The following FOXK1 variants were observed in gnomAD, a reference collection of about 807,000 sequenced individuals.
The protein encoded by FOXK1 is forkhead box protein K1.
A neutral mutation model predicts 51.9 loss-of-function variants in FOXK1; 19 were observed. The observed-to-expected ratio is 0.37, with a 90% CI of 0.26 to 0.54. The LOEUF (loss-of-function observed/expected upper bound fraction) is 0.54, where lower values mean the gene tolerates loss of function less well. FOXK1 is among the 20% of genes least tolerant of loss of function. The pLI, the probability that FOXK1 is intolerant of heterozygous loss-of-function variation, is 0.87. For missense variants in FOXK1, 870 were observed against 1,032.7 expected, an observed-to-expected ratio of 0.84 and a Z score of 2.16; for synonymous variants, 537 against 482.6, an observed-to-expected ratio of 1.11 and a Z score of -1.48.
Position 4,746,611 on chromosome 7 carries a change from C to T in FOXK1, c.746+5588C>T, listed in dbSNP as rs1270149569. 2.0e-5 allele frequency among the ~76,000 whole-genome samples: 3 copies of T among 152,166 alleles called. 1 individual carries two copies. The highest frequency in any genetic ancestry group is 4.4e-5 in the Non-Finnish European group (3 of 68,012). On this transcript the variant is annotated intron_variant, in intron 2 of 8. Transcript: ENST00000328914. ...GCTGAGGCAGGAGGATCGCTTGAGC[C>T]CAGCAGTTGGAGGCTGTGGCGAGCT... is the stretch of plus-strand genomic sequence containing the variant.
Position 4,711,319 on chromosome 7 carries a change from G to A in FOXK1, c.560+28451G>A, listed in dbSNP as rs543460958. Among the ~76,000 whole-genome samples the A allele has an allele frequency of 9.2e-5, 14 of 152,288 alleles. No individual in the cohort carries two copies. The highest frequency in any genetic ancestry group is 3.4e-4 in the African/African-American group (14 of 41,570). The stretch of plus-strand genomic sequence containing the variant: ...ATGGGATGTATCAGTCAGGGAGGCT[G>A]GGCGCAGTAATAAACACGCCCAGAG... On this transcript the variant is annotated intron_variant, in intron 1 of 8. Transcript: ENST00000328914. This position sits in a 1 kb window ranked among gnomAD's most constrained non-coding sequence, Gnocchi z 6.3.
chr7:4,702,429 A>G (rs949893769), intron 1 of FOXK1, among the ~76,000 whole-genome samples: 2 of 151,644 alleles, frequency 1.3e-5, no homozygotes, highest in Non-Finnish European at 2.9e-5. Flanking sequence ...TGCAACCTCT[A>G]CCTCCCTGGT....
rs1048558027 is a variant in FOXK1 at position 4,756,444 on chromosome 7, G to C, written c.1051-550G>C. ...ACCCAGTGTTTTCTTTCTCCCAGAT[G>C]TGCTCCTAGACCAGGATCTGTCTTT... On this transcript the variant is annotated intron_variant, in intron 4 of 8. Coordinates refer to ENST00000328914, the MANE Select transcript of FOXK1 (RefSeq NM_001037165.2). This position sits in a 1 kb window ranked among gnomAD's most constrained non-coding sequence, Gnocchi z 4.1. 2.0e-5 allele frequency among the ~76,000 whole-genome samples: 3 copies of C among 151,682 alleles called. No individual in the cohort carries two copies. Among genetic ancestry groups the C allele is most frequent in the African/African-American group, 4.8e-5 (2 of 41,320 alleles).
chr7:4,713,414 GC>G (rs1780198269), intron 1 of FOXK1, among the ~76,000 whole-genome samples: 1 of 152,080 alleles, frequency 6.6e-6, no homozygotes, highest in Non-Finnish European at 1.5e-5. Flanking sequence ...CCACGGTGCA[GC>G]CACTGCAGCT....
chr7:4,718,287 C>T (rs1408747110), intron 1 of FOXK1, among the ~76,000 whole-genome samples: 1 of 152,244 alleles, frequency 6.6e-6, no homozygotes. Context: ...GCAGAGCCAT[C>T]CCCACCGTGG....
chr7:4,747,766 G>A lies in FOXK1; in HGVS notation c.747-6693G>A, dbSNP rs1780724445. On this transcript the variant is annotated intron_variant, in intron 2 of 8. Transcript: ENST00000328914. This position sits in a 1 kb window ranked among gnomAD's most constrained non-coding sequence, Gnocchi z 9.2. The stretch of plus-strand genomic sequence containing the variant: ...GCTGGTCCTGAACTCCTGGCCTCAA[G>A]CAGTCTTCCCACCTTGACCTCCCAA... Among the ~76,000 whole-genome samples, 1 of 152,106 alleles carries A rather than the reference G, an allele frequency of 6.6e-6. No individual in the cohort carries two copies. Among genetic ancestry groups the A allele is most frequent in the Admixed American group, 6.5e-5 (1 of 15,274 alleles).
At position 4,733,183 on chromosome 7, in the gene FOXK1, T is replaced by C. The variant is rs1040410224; in HGVS notation, c.561-7655T>C. ...GTTTCTTTTATACGTGACGGTCTTT[T>C]TTTTTTTAATTTTATTATTTTTTTA... is the stretch of plus-strand genomic sequence containing the variant. On this transcript the variant is annotated intron_variant, in intron 1 of 8. Transcript: ENST00000328914. The surrounding 1 kb of genome is among the most constrained non-coding windows in gnomAD (Gnocchi z 5.0). Among the ~76,000 whole-genome samples the C allele has an allele frequency of 6.6e-6, 1 of 152,224 alleles. No individual in the cohort carries two copies. The highest frequency in any genetic ancestry group is 1.5e-5 in the Non-Finnish European group (1 of 68,008).
chr7:4,734,780 T>C lies in FOXK1; in HGVS notation c.561-6058T>C, dbSNP rs1780530067. Among the ~76,000 whole-genome samples the C allele has an allele frequency of 6.6e-6, 1 of 152,226 alleles. No homozygotes were observed. The highest frequency in any genetic ancestry group is 2.4e-5 in the African/African-American group (1 of 41,458). On this transcript the variant is annotated intron_variant, in intron 1 of 8. Coordinates refer to ENST00000328914, the MANE Select transcript of FOXK1 (RefSeq NM_001037165.2). This position sits in a 1 kb window ranked among gnomAD's most constrained non-coding sequence, Gnocchi z 5.2. The stretch of plus-strand genomic sequence containing the variant: ...CTATTTTTGGCGTGAGATGTCACTG[T>C]CTGCCGCTTCTGTGTTGGGTGCCCT...
In FOXK1 at chr7:4,754,462, C is replaced by A; in HGVS notation, c.750C>A (p.Val250=). 2 of 1,612,846 alleles carry A rather than the reference C, an allele frequency of 1.2e-6. No homozygotes were observed. Among genetic ancestry groups the A allele is most frequent in the Non-Finnish European group, 1.7e-6 (2 of 1,179,946 alleles). The change falls in exon 3 of 9, where the codon GTC becomes GTA. Residue 250 remains valine (V), a synonymous_variant. Coordinates refer to ENST00000328914, the MANE Select transcript of FOXK1 (RefSeq NM_001037165.2). The part of the protein sequence containing the change: ...PVPSPTGTIS[V]PNSCPASPRG... ...CAGTGTCCTTCTCTCTCCTCAGTGT[C>A]CCCAACTCCTGCCCAGCCAGTCCAC...
chr7:4,685,077 G>T (rs772301562), intron 1 of FOXK1, among the ~76,000 whole-genome samples: 1 of 151,812 alleles, frequency 6.6e-6, no homozygotes, highest in Non-Finnish European at 1.5e-5. Context: ...CACTGCGCCT[G>T]TCTGTTTTTA....
At position 4,701,886 on chromosome 7, in the gene FOXK1, C is replaced by T. The variant is rs184648649; in HGVS notation, c.560+19018C>T. Among the ~76,000 whole-genome samples the T allele has an allele frequency of 7.4e-4, 113 of 152,134 alleles. 3 individuals carry two copies. In the East Asian group the frequency reaches 0.02, roughly 27 times the overall value. ...CCAGCCTGGGCGATAAGCGAGACTC[C>T]GTCTCAAAAAATAAATATAAATAAA... On this transcript the variant is annotated intron_variant, in intron 1 of 8. Transcript: ENST00000328914.
chr7:4,759,537 G>T lies in FOXK1; in HGVS notation c.1638G>T (p.Ala546=), dbSNP rs1780903659. 4 of 1,558,448 alleles carry T rather than the reference G, an allele frequency of 2.6e-6. No individual in the cohort carries two copies. The highest frequency in any genetic ancestry group is 3.5e-6 in the Non-Finnish European group (4 of 1,158,426). Residue 546 remains alanine, a synonymous_variant, in exon 7 of 9, where the codon GCG becomes GCT. Transcript: ENST00000328914. ...NGYILTSQGA[A]GGSHDAAGAA... ...ACATCCTCACCAGCCAGGGCGCGGCGGGGGGCTCCCATGATGCGGCGGGCG... is the reference window on the plus strand; with the variant it reads ...ACATCCTCACCAGCCAGGGCGCGGCTGGGGGCTCCCATGATGCGGCGGGCG...
chr7:4,688,669 C>T (rs374694035), intron 1 of FOXK1, among the ~76,000 whole-genome samples: 2 of 152,106 alleles, frequency 1.3e-5, no homozygotes, highest in Non-Finnish European at 1.5e-5. Context: ...TTGCAGCCCC[C>T]ACGCCCGGCA....
At chr7:4,694,715 G>A (rs926557539) in intron 1 of FOXK1, among the ~76,000 whole-genome samples, 5 of 152,140 alleles carry the variant, frequency 3.3e-5, no homozygotes, top group African/African-American at 1.2e-4. Context: ...TGACCCGTGT[G>A]GGTCTCACCT....
intron 1 of FOXK1, among the ~76,000 whole-genome samples, chr7:4,701,253 CG>C (rs201294053): frequency 1.3e-5 from 2 of 152,008 alleles, no homozygotes; most frequent in African/African-American, 4.8e-5. Flanking sequence ...GCTCAAAGGA[CG>C]GGGGGCTAGA....
intron 1 of FOXK1, among the ~76,000 whole-genome samples, chr7:4,699,014 A>G (rs569292746): frequency 1.2e-4 from 18 of 152,328 alleles, no homozygotes; most frequent in African/African-American, 4.1e-4. Context: ...CATTTGTCCC[A>G]GTATCGCCCA....
intron 1 of FOXK1, among the ~76,000 whole-genome samples, chr7:4,700,876 A>G (rs1363765218): frequency 6.6e-6 from 1 of 152,206 alleles, no homozygotes; most frequent in Admixed American, 6.5e-5. Context: ...GCTGATAGAT[A>G]AACATCCCAC....
At chr7:4,693,901 G>C (rs1216601642) in intron 1 of FOXK1, among the ~76,000 whole-genome samples, 1 of 151,886 alleles carries the variant, frequency 6.6e-6, no homozygotes, top group East Asian at 1.9e-4. Context: ...TTTTTTTTCT[G>C]TAGAGACAAG....
chr7:4,705,554 T>TCTCTCTCTCTCTCGCTCG (rs895937029), intron 1 of FOXK1, among the ~76,000 whole-genome samples: 1 of 131,514 alleles, frequency 7.6e-6, no homozygotes, highest in African/African-American at 3.2e-5. Context: ...TCTCTCTCTC[T>TCTCTCTCTCTCTCGCTCG]CTCTCGCTCT....
Sources: gnomAD v4.1 joint callset for allele counts (sites outside exome capture counted in the v4.1 genomes callset) on GRCh38, gnomAD v4.1.1 for gene constraint, Gnocchi (gnomAD v3.1) non-coding constraint, MANE v1.5 for transcripts, NCBI Gene and HGNC (gene_info 2026-07-23, HGNC 2026-07-21) for gene names.